Variants in ZBBX observed in about 807,000 individuals in gnomAD.
The protein encoded by ZBBX is zinc finger B-box domain containing.
A neutral mutation model predicts 108.5 loss-of-function variants in ZBBX; 101 were observed. The ratio of observed to expected loss-of-function variants is 0.93; its 90% CI spans 0.79 to 1.10. The LOEUF (loss-of-function observed/expected upper bound fraction) is 1.10. Among genes scored for constraint, ZBBX ranks in the 50% least tolerant of loss-of-function variants. ZBBX has a pLI of 0.00. For missense variants in ZBBX, 1,009 were observed against 941.4 expected (o/e 1.07, Z -0.94); for synonymous variants, 356 against 323.4 (o/e 1.10, Z -1.08).
At chr3:167,284,294 A>G (rs895800230) in intron 19 of ZBBX, among the ~76,000 whole-genome samples, 2 of 151,910 alleles carry the variant, frequency 1.3e-5, no homozygotes, top group Non-Finnish European at 2.9e-5. Flanking sequence ...ATTTATAGCA[A>G]TCAAGAACCA....
the ZBBX span, among the ~76,000 whole-genome samples, chr3:167,218,843 A>C: frequency 6.6e-6 from 1 of 152,230 alleles, no homozygotes; most frequent in Admixed American, 6.5e-5. Context: ...TAGCTGAATG[A>C]ATATAACAAC....
upstream of ZBBX, among the ~76,000 whole-genome samples, chr3:167,384,199 G>A (rs1747831984): frequency 6.6e-6 from 1 of 152,062 alleles, no homozygotes; most frequent in Non-Finnish European, 1.5e-5. Flanking sequence ...AAAAGAGGAG[G>A]ACAAGAGACA....
the ZBBX span, among the ~76,000 whole-genome samples, chr3:167,186,357 G>C: frequency 7.2e-5 from 11 of 151,990 alleles, no homozygotes; most frequent in Non-Finnish European, 1.3e-4. Flanking sequence ...CATACTGGCT[G>C]CCATAGTGCT....
intron 20 of ZBBX, among the ~76,000 whole-genome samples, chr3:167,243,748 C>CTTT (rs148483655): frequency 6.1e-4 from 43 of 70,824 alleles, no homozygotes; most frequent in Middle Eastern, 0.019. Context: ...GTGGACTTGA[C>CTTT]TTTTTTTTTT....
intron 11 of ZBBX, among the ~76,000 whole-genome samples, chr3:167,326,079 T>G (rs1737332302): frequency 6.6e-6 from 1 of 152,166 alleles, no homozygotes; most frequent in Non-Finnish European, 1.5e-5. Flanking sequence ...AATATGTAAG[T>G]GCACAAATAG....
chr3:167,266,744 G>T (rs1368927553), intron 20 of ZBBX, among the ~76,000 whole-genome samples: 1 of 152,192 alleles, frequency 6.6e-6, no homozygotes, highest in Non-Finnish European at 1.5e-5. Context: ...AAATTGCCTT[G>T]CTGAGGAAAC....
Position 167,365,962 on chromosome 3 carries a change from T to C in ZBBX, c.197A>G (p.Tyr66Cys), listed in dbSNP as rs776260081. The C allele has an allele frequency of 6.2e-7, 1 of 1,606,782 alleles. No homozygotes were observed. Among genetic ancestry groups the C allele is most frequent in the Non-Finnish European group, 8.5e-7 (1 of 1,174,854 alleles). ...TTTGCCCACTTTTCCAGATTTCCAG[T>C]AATACTCGCTTGACCTTTAATATAT... Reference protein sequence around the residue: ...EKEDRESSEYYWKSGKVGKLV... With the variant: ...EKEDRESSEYCWKSGKVGKLV... Residue 66 changes from tyrosine (Y) to cysteine (C), a missense_variant, in exon 6 of 22, where the codon TAC becomes TGC. Transcript: ENST00000675490.
downstream of ZBBX, among the ~76,000 whole-genome samples, chr3:167,238,928 A>G (rs1385415822): frequency 6.6e-6 from 1 of 152,178 alleles, no homozygotes; most frequent in African/African-American, 2.4e-5. Flanking sequence ...TGGGTTCTCC[A>G]GAGAAATAGA....
chr3:167,372,027 A>G (rs1746234395), intron 4 of ZBBX, among the ~76,000 whole-genome samples: 1 of 152,160 alleles, frequency 6.6e-6, no homozygotes, highest in Admixed American at 6.5e-5. Context: ...CCTGGCCAAC[A>G]TGGCCAAGCA....
At chr3:167,277,283 A>G (rs1727777465) in intron 20 of ZBBX, among the ~76,000 whole-genome samples, 1 of 147,094 alleles carries the variant, frequency 6.8e-6, no homozygotes, top group African/African-American at 2.7e-5. Flanking sequence ...TGCTCCAATT[A>G]AAAGACACAC....
intron 1 of ZBBX, among the ~76,000 whole-genome samples, chr3:167,400,142 T>C (rs114230353): frequency 0.099 from 15,133 of 152,232 alleles, 787 homozygotes; most frequent in Non-Finnish European, 0.13. Context: ...TCTTTTTTAT[T>C]GTGAATAATG....
upstream of ZBBX, among the ~76,000 whole-genome samples, chr3:167,383,978 A>T (rs1747826040): frequency 6.6e-6 from 1 of 152,124 alleles, no homozygotes; most frequent in Admixed American, 6.5e-5. Flanking sequence ...ATATGTGGCA[A>T]AAAGATAAGA....
chr3:167,322,314 ACTC>A, intron 11 of ZBBX, 77 bp from the exon 12 acceptor site: 2 of 1,254,694 alleles, frequency 1.6e-6, no homozygotes, highest in Non-Finnish European at 2.1e-6. Context: ...AAGATGTAGA[ACTC>A]ATCATTTTTG....
At chr3:167,372,506 T>C (rs1746314452) in intron 4 of ZBBX, among the ~76,000 whole-genome samples, 1 of 152,192 alleles carries the variant, frequency 6.6e-6, no homozygotes, top group South Asian at 2.1e-4. Context: ...TTAGGGTCTC[T>C]TATCCTAATA....
the ZBBX span, among the ~76,000 whole-genome samples, chr3:167,209,988 G>A: frequency 3.3e-5 from 5 of 152,166 alleles, no homozygotes; most frequent in Non-Finnish European, 5.9e-5. Flanking sequence ...TACTCAGGAG[G>A]CTGAGGCATG....
rs1217108429 is a variant in ZBBX, at chr3:167,367,618, G to A, written c.182+843C>T. ...AAAAAAAGTAAACGATACAATATAT[G>A]CAACAGATATACTCACTGAAAACAA... On this transcript the variant is annotated intron_variant, in intron 5 of 21. Coordinates refer to ENST00000675490, the MANE Select transcript of ZBBX (RefSeq NM_001199201.2). Among the ~76,000 whole-genome samples, 4 of 150,458 alleles carry A rather than the reference G, an allele frequency of 2.7e-5. No individual in the cohort carries two copies. In the Admixed American group the frequency reaches 2.7e-4, roughly 10 times the overall value.
At chr3:167,406,333 T>C (rs896937567) in intron 1 of ZBBX, among the ~76,000 whole-genome samples, 2 of 152,192 alleles carry the variant, frequency 1.3e-5, no homozygotes, top group African/African-American at 4.8e-5. Flanking sequence ...TTCTTAGTAA[T>C]TTATATAATT....
the ZBBX span, among the ~76,000 whole-genome samples, chr3:167,178,474 G>T: frequency 6.6e-6 from 1 of 152,152 alleles, no homozygotes; most frequent in Non-Finnish European, 1.5e-5. Context: ...CTGTCCACAG[G>T]TAGGTGGCTG....
the ZBBX span, among the ~76,000 whole-genome samples, chr3:167,203,539 T>G: frequency 6.6e-6 from 1 of 152,140 alleles, no homozygotes; most frequent in Non-Finnish European, 1.5e-5. Flanking sequence ...AACAAATAAG[T>G]AGGTTAAGTG....
Sources: allele counts gnomAD v4.1 joint callset (sites outside exome capture counted in the v4.1 genomes callset), GRCh38; gene constraint gnomAD v4.1.1; transcripts MANE v1.5; gene names NCBI Gene and HGNC (gene_info 2026-07-23, HGNC 2026-07-21).